FAM107B: variants seen among roughly 807,000 people sequenced by gnomAD.
FAM107B encodes the protein family with sequence similarity 107 member B, also known as protein FAM107B.
FAM107B carries 21 observed loss-of-function variants against 31.5 expected under a neutral mutation model. That is an observed-to-expected ratio of 0.67 (90% CI 0.47 to 0.96). The LOEUF (loss-of-function observed/expected upper bound fraction) is 0.96. Ranked by LOEUF, FAM107B falls within the 40% of genes least tolerant of loss-of-function variation. FAM107B has a pLI of 0.00. For synonymous variants in FAM107B, 157 were observed against 141.5 expected, an observed-to-expected ratio of 1.11 and a Z score of -0.78; for missense variants, 452 against 377.1, an observed-to-expected ratio of 1.20 and a Z score of -1.64.
chr10:14,624,692 T>C (rs1481935019), intron 2 of FAM107B, among the ~76,000 whole-genome samples: 1 of 152,100 alleles, frequency 6.6e-6, no homozygotes, highest in African/African-American at 2.4e-5. Context: ...CTGAGTCCGT[T>C]TTCGTATTTG....
intron 1 of FAM107B, among the ~76,000 whole-genome samples, chr10:14,770,086 T>C (rs1400314913): frequency 3.9e-5 from 6 of 152,194 alleles, no homozygotes; most frequent in Admixed American, 6.5e-5. Flanking sequence ...AGCCCTCTCA[T>C]ACTGCATTGA....
At chr10:14,626,342 CA>C (rs1853160585) in intron 2 of FAM107B, among the ~76,000 whole-genome samples, 1 of 152,080 alleles carries the variant, frequency 6.6e-6, no homozygotes, top group African/African-American at 2.4e-5. Context: ...AGTTTTCAGT[CA>C]GACTGTGCAA....
chr10:14,770,827 T>C (rs1833283990), intron 1 of FAM107B, among the ~76,000 whole-genome samples: 1 of 151,982 alleles, frequency 6.6e-6, no homozygotes, highest in African/African-American at 2.4e-5. Context: ...ATTTGCTTAG[T>C]TTGTTTAGCT....
intron 1 of FAM107B, among the ~76,000 whole-genome samples, chr10:14,675,241 G>A (rs545680920): frequency 6.6e-6 from 1 of 152,236 alleles, no homozygotes; most frequent in East Asian, 1.9e-4. Flanking sequence ...TGGGCGTTGG[G>A]AACTCCTTTC....
At chr10:14,684,594 G>A (rs945681322) in intron 1 of FAM107B, among the ~76,000 whole-genome samples, 3 of 152,124 alleles carry the variant, frequency 2.0e-5, no homozygotes, top group South Asian at 2.1e-4. Flanking sequence ...ATTTCAGAGG[G>A]ACACAAACAT....
chr10:14,665,201 C>A (rs1033021888), intron 2 of FAM107B, among the ~76,000 whole-genome samples: 2 of 152,208 alleles, frequency 1.3e-5, no homozygotes, highest in Non-Finnish European at 2.9e-5. Flanking sequence ...TCTACCTACA[C>A]TTCATTTGCT....
At chr10:14,637,129 G>A (rs1156990967) in intron 2 of FAM107B, among the ~76,000 whole-genome samples, 1 of 152,040 alleles carries the variant, frequency 6.6e-6, no homozygotes, top group Non-Finnish European at 1.5e-5. Flanking sequence ...AAGCTTCATC[G>A]GTGTCTCCCT....
intron 1 of FAM107B, among the ~76,000 whole-genome samples, chr10:14,773,879 T>C (rs1270037996): frequency 6.6e-6 from 1 of 152,124 alleles, no homozygotes; most frequent in Non-Finnish European, 1.5e-5. Flanking sequence ...GATTTTCATA[T>C]AAATAAATTG....
intron 2 of FAM107B, among the ~76,000 whole-genome samples, chr10:14,649,613 G>C (rs1433202932): frequency 2.0e-5 from 3 of 152,104 alleles, no homozygotes; most frequent in Admixed American, 6.5e-5. Context: ...GAAAATCTTT[G>C]AATCCACCTG....
chr10:14,572,683 C>T (rs1479371473), intron 2 of FAM107B, among the ~76,000 whole-genome samples: 5 of 141,622 alleles, frequency 3.5e-5, no homozygotes, highest in Non-Finnish European at 6.0e-5. Context: ...TGAAGAGCCA[C>T]TGCATTTCAA....
chr10:14,585,212 T>C (rs1049877915), intron 2 of FAM107B, among the ~76,000 whole-genome samples: 2 of 152,224 alleles, frequency 1.3e-5, no homozygotes, highest in African/African-American at 4.8e-5. Flanking sequence ...TGCTTCATTC[T>C]TTCCTTGCTT....
intron 2 of FAM107B, among the ~76,000 whole-genome samples, chr10:14,573,567 T>A (rs6602742): frequency 2.8e-5 from 4 of 143,290 alleles, no homozygotes; most frequent in Non-Finnish European, 3.0e-5. Context: ...CCCATCTCTA[T>A]TAAAAATACA....
intron 2 of FAM107B, among the ~76,000 whole-genome samples, chr10:14,610,477 A>G (rs1852700487): frequency 6.6e-6 from 1 of 152,266 alleles, no homozygotes; most frequent in African/African-American, 2.4e-5. Flanking sequence ...GTAATATTCC[A>G]TAACTCAGGA....
At chr10:14,706,231 C>T (rs949200790) in intron 1 of FAM107B, among the ~76,000 whole-genome samples, 1 of 152,140 alleles carries the variant, frequency 6.6e-6, no homozygotes, top group Admixed American at 6.6e-5. Flanking sequence ...TTTTAAGAGA[C>T]AGGGTCTCAC....
chr10:14,654,848 ACT>A (rs1337659475), intron 2 of FAM107B, among the ~76,000 whole-genome samples: 1 of 152,152 alleles, frequency 6.6e-6, no homozygotes, highest in Non-Finnish European at 1.5e-5. Context: ...TGCATAGAAC[ACT>A]GTGTTCAGAA....
intron 1 of FAM107B, among the ~76,000 whole-genome samples, chr10:14,710,825 G>A (rs1225954751): frequency 6.6e-6 from 1 of 152,184 alleles, no homozygotes; most frequent in African/African-American, 2.4e-5. Context: ...TTTAAGCTAA[G>A]TGTTGTTATA....
intron 1 of FAM107B, among the ~76,000 whole-genome samples, chr10:14,738,025 G>A (rs1305549873): frequency 6.6e-6 from 1 of 152,046 alleles, no homozygotes; most frequent in Non-Finnish European, 1.5e-5. Context: ...TTTCCCATGT[G>A]CCAGCACTGT....
At chr10:14,774,187 G>A (rs769755769) in intron 1 of FAM107B, 66 bp downstream of exon 1, 1 of 1,531,198 alleles carries the variant, frequency 6.5e-7, no homozygotes, top group South Asian at 1.3e-5. Context: ...TGAAACATTC[G>A]CCACATGATC....
At chr10:14,667,725 G>C (rs774723599) in intron 1 of FAM107B, 34 bp from the exon 2 acceptor site, 12 of 1,611,610 alleles carry the variant, frequency 7.4e-6, no homozygotes, top group Non-Finnish European at 1.0e-5. Context: ...GAAAAGCAGG[G>C]AGAAAGTAAA....
Sources: allele counts gnomAD v4.1 joint callset (sites outside exome capture counted in the v4.1 genomes callset), GRCh38; gene constraint gnomAD v4.1.1; transcripts MANE v1.5; gene names NCBI Gene and HGNC (gene_info 2026-07-23, HGNC 2026-07-21).